CNOT3: variants seen among roughly 807,000 people sequenced by gnomAD.
CNOT3 encodes the protein CCR4-NOT transcription complex subunit 3.
CNOT3 carries 2 observed loss-of-function variants against 89.4 expected under a neutral mutation model. That is an observed-to-expected ratio of 0.02 (90% CI 0.01 to 0.07). The LOEUF is 0.07. CNOT3 is among the 10% of genes least tolerant of loss of function. The pLI is 1.00. For synonymous variants in CNOT3, 486 were observed against 402.0 expected (o/e 1.21, Z -2.50); for missense variants, 664 against 1,010.2 (o/e 0.66, Z 4.65).
chr19:54,144,504 C>G lies in CNOT3; in HGVS notation c.483+172C>G, dbSNP rs935666463. ...AGACAGGATTGGGAGGGCTTAGCAG[C>G]TGCACGCGTGGGGCAGGAAGGAGGT... is the stretch of plus-strand genomic sequence containing the variant. On this transcript the variant is annotated intron_variant, in intron 7 of 17. Transcript: ENST00000221232. The surrounding 1 kb of genome is among the most constrained non-coding windows in gnomAD (Gnocchi z 4.8). Among the ~76,000 whole-genome samples, 7 of 152,328 alleles carry G rather than the reference C, an allele frequency of 4.6e-5. No homozygotes were observed. Among genetic ancestry groups the G allele is most frequent in the Admixed American group, 4.6e-4 (7 of 15,292 alleles).
intron 13 of CNOT3, among the ~76,000 whole-genome samples, chr19:54,151,358 G>A (rs1023788958): frequency 2.0e-4 from 31 of 152,144 alleles, no homozygotes; most frequent in Non-Finnish European, 3.7e-4. Context: ...GGCCTGGGCT[G>A]TGTGGGACAT....
intron 1 of CNOT3, among the ~76,000 whole-genome samples, chr19:54,140,131 G>A (rs982487261): frequency 1.3e-4 from 20 of 152,088 alleles, no homozygotes; most frequent in Admixed American, 1.2e-3. Flanking sequence ...CTCCCTCCTC[G>A]AGTCTTTGTG....
intron 16 of CNOT3, chr19:54,153,234 C>T (rs1296806383): frequency 3.9e-6 from 3 of 763,472 alleles, no homozygotes; most frequent in Non-Finnish European, 7.2e-6. Flanking sequence ...CACTGAGGCA[C>T]ACCTCAGCCC....
At position 54,143,202 on chromosome 19, in the gene CNOT3, C is replaced by A. The variant is rs2074523039; in HGVS notation, c.93+16C>A. The A allele has an allele frequency of 6.2e-7, 1 of 1,609,090 alleles. No individual in the cohort carries two copies. The highest frequency in any genetic ancestry group is 8.5e-7 in the Non-Finnish European group (1 of 1,175,928). ...TTGGCAGAAGGTACAGGGGCTGAGACCCTAATAATCTGGGTCTTCAGAGAG... is the reference window on the plus strand; with the variant it reads ...TTGGCAGAAGGTACAGGGGCTGAGAACCTAATAATCTGGGTCTTCAGAGAG... On this transcript the variant is annotated intron_variant, in intron 3 of 17. Coordinates refer to ENST00000221232, the MANE Select transcript of CNOT3 (RefSeq NM_014516.4).
Position 54,155,593 on chromosome 19 carries a change from G to T in CNOT3, c.*186G>T. On this transcript the variant is annotated 3_prime_UTR_variant, in exon 18 of 18. Transcript: ENST00000221232. ...CCCTGGGGGCCCGGGGGCGAGGGCT[G>T]CCCCCTCCTCCCCTCCCCAGTGAGG... 9.2e-7 allele frequency: 1 copy of T among 1,082,746 alleles called. No homozygotes were observed. Among genetic ancestry groups the T allele is most frequent in the Non-Finnish European group, 1.3e-6 (1 of 758,942 alleles). The allele number at this position is 1,082,746 out of a possible 1,614,324, so 67.1% of individuals were successfully genotyped here.
chr19:54,150,746 A>G (rs998092623), intron 13 of CNOT3, among the ~76,000 whole-genome samples: 1 of 150,864 alleles, frequency 6.6e-6, no homozygotes, highest in African/African-American at 2.4e-5. Flanking sequence ...AATCATCCTC[A>G]TAAAGCTCTT....
At chr19:54,141,424 C>G (rs1481591888) in intron 1 of CNOT3, 5 of 152,168 alleles carry the variant, frequency 3.3e-5, no homozygotes, top group African/African-American at 7.2e-5. Flanking sequence ...AGGTACCAGC[C>G]CTGTCCTTTG....
chr19:54,153,081 A>G (rs2146774376), intron 16 of CNOT3, 82 bp downstream of exon 16: 1 of 1,488,242 alleles, frequency 6.7e-7, no homozygotes, highest in Non-Finnish European at 9.3e-7. Context: ...TGGAGGGGTG[A>G]GGTGGGTGCC....
At chr19:54,141,187 T>C (rs2074435350) in intron 1 of CNOT3, among the ~76,000 whole-genome samples, 1 of 152,168 alleles carries the variant, frequency 6.6e-6, no homozygotes, top group African/African-American at 2.4e-5. Context: ...TCAGCCTGAA[T>C]CCCCACTGTG....
Position 54,148,754 on chromosome 19 carries a change from C to T in CNOT3, c.1406+11C>T, listed in dbSNP as rs773905023. Reference sequence around the variant, plus strand: ...ACCTCCCAGCACCTCGTGAGTGTCTCGGCCATCGGCAGGGTTGGGATGGCA... The same window carrying T: ...ACCTCCCAGCACCTCGTGAGTGTCTTGGCCATCGGCAGGGTTGGGATGGCA... On this transcript the variant is annotated intron_variant, in intron 12 of 17. Coordinates refer to ENST00000221232, the MANE Select transcript of CNOT3 (RefSeq NM_014516.4). The surrounding 1 kb of genome is among the most constrained non-coding windows in gnomAD (Gnocchi z 6.3). 11 of 1,609,316 alleles carry T rather than the reference C, an allele frequency of 6.8e-6. No homozygotes were observed. Among genetic ancestry groups the T allele is most frequent in the East Asian group, 2.2e-5 (1 of 44,788 alleles).
chr19:54,145,129 G>A lies in CNOT3; in HGVS notation c.484-469G>A, dbSNP rs928421342. Among the ~76,000 whole-genome samples the A allele has an allele frequency of 2.0e-5, 3 of 152,108 alleles. No homozygotes were observed. Among genetic ancestry groups the A allele is most frequent in the Non-Finnish European group, 4.4e-5 (3 of 68,004 alleles). ...CTCTCAGGGATAAATGGGTAGGGTT[G>A]GGGGCCTAGTGATGACAGATATCAC... On this transcript the variant is annotated intron_variant, in intron 7 of 17. Coordinates refer to ENST00000221232, the MANE Select transcript of CNOT3 (RefSeq NM_014516.4). This position sits in a 1 kb window ranked among gnomAD's most constrained non-coding sequence, Gnocchi z 5.9.
intron 16 of CNOT3, 38 bp downstream of exon 16, chr19:54,153,037 G>C (rs780129350): frequency 1.2e-5 from 19 of 1,583,202 alleles, no homozygotes; most frequent in Non-Finnish European, 1.6e-5. Flanking sequence ...GGGCCCCCCG[G>C]CTTCGCCGCC....
Position 54,144,323 on chromosome 19 carries a change from C to G in CNOT3, c.474C>G (p.Gly158=), listed in dbSNP as rs139874376. ...CAGTGCAGACACGCAAGAAGAAGGG[C>G]GACAAGGATGTGAGTGAGGGAGACC... The part of the protein sequence containing the change: ...SLSVQTRKKK[G]DKDKQDRIEG... The change falls in exon 7 of 18, where the codon GGC becomes GGG. Residue 158 remains glycine, a synonymous_variant. Transcript: ENST00000221232. This position sits in a 1 kb window ranked among gnomAD's most constrained non-coding sequence, Gnocchi z 4.8. The G allele has an allele frequency of 1.1e-5, 17 of 1,612,936 alleles. No homozygotes were observed. Among genetic ancestry groups the G allele is most frequent in the Non-Finnish European group, 1.4e-5 (16 of 1,179,168 alleles).
intron 13 of CNOT3, among the ~76,000 whole-genome samples, chr19:54,151,903 A>G (rs1220609669): frequency 6.6e-6 from 1 of 152,204 alleles, no homozygotes; most frequent in Admixed American, 6.5e-5. Flanking sequence ...TTTGACAAAA[A>G]TGGTAGCGCA....
rs2074616228 is a variant in CNOT3, at chr19:54,145,284, G to A, written c.484-314G>A. ...TCAGTTGAGAAATCTGGGCTGTCAG[G>A]TGAGGTGCAGATGGAGGCCAAGTCG... is the stretch of plus-strand genomic sequence containing the variant. On this transcript the variant is annotated intron_variant, in intron 7 of 17. Transcript: ENST00000221232. This position sits in a 1 kb window ranked among gnomAD's most constrained non-coding sequence, Gnocchi z 5.9. 6.6e-6 allele frequency among the ~76,000 whole-genome samples: 1 copy of A among 152,162 alleles called. No homozygotes were observed. Among genetic ancestry groups the A allele is most frequent in the South Asian group, 2.1e-4 (1 of 4,830 alleles).
chr19:54,148,861 C>T lies in CNOT3; in HGVS notation c.1406+118C>T. The T allele has an allele frequency of 2.3e-6, 2 of 851,422 alleles. No homozygotes were observed. The highest frequency in any genetic ancestry group is 1.8e-6 in the Non-Finnish European group (1 of 555,140). The allele number at this position is 851,422 out of a possible 1,614,324, so 52.7% of individuals were successfully genotyped here. Reference sequence around the variant, plus strand: ...CCCCCGCCCTTGCTGCTGGGAATGGCCAAGCGCTATCCTCCATCTCCCTCG... The same window carrying T: ...CCCCCGCCCTTGCTGCTGGGAATGGTCAAGCGCTATCCTCCATCTCCCTCG... On this transcript the variant is annotated intron_variant, in intron 12 of 17. Coordinates refer to ENST00000221232, the MANE Select transcript of CNOT3 (RefSeq NM_014516.4). The surrounding 1 kb of genome is among the most constrained non-coding windows in gnomAD (Gnocchi z 6.3).
rs1246935296 is a variant in CNOT3, at chr19:54,140,600, C to G, written c.-50-2329C>G. 2.6e-5 allele frequency among the ~76,000 whole-genome samples: 4 copies of G among 152,128 alleles called. No homozygotes were observed. The South Asian group carries it at 8.3e-4, about 32-fold the overall frequency. On this transcript the variant is annotated intron_variant, in intron 1 of 17. Transcript: ENST00000221232. The stretch of plus-strand genomic sequence containing the variant: ...ATTTTCTTAGCGGGGAAGGTGTTGT[C>G]TCTACTGTGGCTAAGGCTCCAGCCT...
In CNOT3 at chr19:54,148,035, G is replaced by A. The variant is rs1250524261; in HGVS notation, c.895-113G>A. The A allele has an allele frequency of 3.9e-6, 3 of 760,046 alleles. No homozygotes were observed. The highest frequency in any genetic ancestry group is 5.9e-6 in the Non-Finnish European group (3 of 508,860). 47.1% of individuals were successfully genotyped at this position (760,046 alleles called of 1,614,324 possible). ...CCCAAGAGGGCAGGAGCAGGTGGGGGCAGCGAGGCCAGAGAGGAGGCTGCT... is the reference window on the plus strand; with the variant it reads ...CCCAAGAGGGCAGGAGCAGGTGGGGACAGCGAGGCCAGAGAGGAGGCTGCT... On this transcript the variant is annotated intron_variant, in intron 10 of 17. Transcript: ENST00000221232. The surrounding 1 kb of genome is among the most constrained non-coding windows in gnomAD (Gnocchi z 6.3).
chr19:54,148,962 A>C lies in CNOT3; in HGVS notation c.1406+219A>C, dbSNP rs2074876098. 6.6e-6 allele frequency among the ~76,000 whole-genome samples: 1 copy of C among 152,174 alleles called. No homozygotes were observed. The highest frequency in any genetic ancestry group is 1.5e-5 in the Non-Finnish European group (1 of 68,020). ...GCTTTGCCCTTCAGAACATTCTAAA[A>C]TACGTTCTCATCTAAGTGGAAGTTT... On this transcript the variant is annotated intron_variant, in intron 12 of 17. Transcript: ENST00000221232. This position sits in a 1 kb window ranked among gnomAD's most constrained non-coding sequence, Gnocchi z 6.3.
Sources: allele counts gnomAD v4.1 joint callset (sites outside exome capture counted in the v4.1 genomes callset), GRCh38; gene constraint gnomAD v4.1.1; non-coding constraint Gnocchi (gnomAD v3.1); transcripts MANE v1.5; gene names NCBI Gene and HGNC (gene_info 2026-07-23, HGNC 2026-07-21).